Variants in INPP4B observed in about 807,000 individuals in gnomAD.
INPP4B encodes inositol polyphosphate-4-phosphatase type II B, also known as inositol polyphosphate 4-phosphatase type II.
A neutral mutation model predicts 122.5 loss-of-function variants in INPP4B; 55 were observed. The observed-to-expected ratio is 0.45, with a 90% confidence interval of 0.36 to 0.56. The LOEUF is 0.56. INPP4B is among the 20% of genes least tolerant of loss of function. The pLI is 0.00. For missense variants in INPP4B, 1,000 were observed against 1,097.7 expected (o/e 0.91, Z 1.26); for synonymous variants, 403 against 388.7 (o/e 1.04, Z -0.43).
chr4:142,658,960 T>C (rs762127517), intron 2 of INPP4B, among the ~76,000 whole-genome samples: 11 of 152,174 alleles, frequency 7.2e-5, no homozygotes, highest in Non-Finnish European at 1.0e-4. Context: ...TGAGACTCCT[T>C]GTGGAACAAA....
intron 2 of INPP4B, among the ~76,000 whole-genome samples, chr4:142,708,261 T>C (rs2150784260): frequency 6.6e-6 from 1 of 152,268 alleles, no homozygotes; most frequent in Non-Finnish European, 1.5e-5. Context: ...GCATAAAAGT[T>C]TAGAAAATTT....
intron 2 of INPP4B, among the ~76,000 whole-genome samples, chr4:142,675,180 C>T (rs1757566944): frequency 6.6e-6 from 1 of 152,064 alleles, no homozygotes. Flanking sequence ...ACCACTGATA[C>T]CACAGAAATA....
At position 142,035,137 on chromosome 4, in the gene INPP4B, C is replaced by T. The variant is rs187949492; in HGVS notation, c.2643-6223G>A. The stretch of plus-strand genomic sequence containing the variant: ...GATTTGTCTGAGGCTCACATCAGCA[C>T]GAGGAGGCAGGCCAGCATCCCCACT... On this transcript the variant is annotated intron_variant, in intron 25 of 25. Coordinates refer to ENST00000262992, the MANE Select transcript of INPP4B (RefSeq NM_001101669.3). Among the ~76,000 whole-genome samples the T allele has an allele frequency of 6.6e-5, 10 of 152,262 alleles. No homozygotes were observed. The East Asian group carries it at 1.5e-3, about 24-fold the overall frequency.
intron 2 of INPP4B, among the ~76,000 whole-genome samples, chr4:142,585,185 CTT>C (rs1735902967): frequency 6.6e-6 from 1 of 152,176 alleles, no homozygotes; most frequent in South Asian, 2.1e-4. Context: ...CATTCACTGT[CTT>C]AGCCCTAGAC....
At chr4:142,252,389 C>T (rs1458073809) in intron 11 of INPP4B, among the ~76,000 whole-genome samples, 2 of 151,734 alleles carry the variant, frequency 1.3e-5, no homozygotes, top group Non-Finnish European at 2.9e-5. Flanking sequence ...GGGGTTTCGC[C>T]GTGTTAGCCA....
Position 142,741,720 on chromosome 4 carries a change from T to C in INPP4B, c.-253-15819A>G, listed in dbSNP as rs971287914. Among the ~76,000 whole-genome samples the C allele has an allele frequency of 1.1e-4, 16 of 151,944 alleles. No individual in the cohort carries two copies. The South Asian group carries it at 3.3e-3, about 32-fold the overall frequency. On this transcript the variant is annotated intron_variant, in intron 1 of 25. Transcript: ENST00000262992. The stretch of plus-strand genomic sequence containing the variant: ...AAACTGAAAAATACATTTGAATCAT[T>C]ACATAAAACAAAGACAGAAAAAGTG...
chr4:142,632,884 A>G (rs919227295), intron 2 of INPP4B, among the ~76,000 whole-genome samples: 2 of 150,436 alleles, frequency 1.3e-5, no homozygotes, highest in African/African-American at 4.9e-5. Flanking sequence ...CAGTTAAGGA[A>G]AGACAGAAGG....
chr4:142,536,251 T>G (rs987296668), intron 2 of INPP4B, among the ~76,000 whole-genome samples: 1 of 152,226 alleles, frequency 6.6e-6, no homozygotes. Flanking sequence ...GTCTTATATT[T>G]AATATTTCTA....
At chr4:142,652,390 G>A (rs1408827957) in intron 2 of INPP4B, among the ~76,000 whole-genome samples, 1 of 152,122 alleles carries the variant, frequency 6.6e-6, no homozygotes, top group Non-Finnish European at 1.5e-5. Context: ...GCAAGAGAAA[G>A]AAATTTGGGT....
At chr4:142,551,303 G>A (rs1193299315) in intron 2 of INPP4B, among the ~76,000 whole-genome samples, 1 of 152,110 alleles carries the variant, frequency 6.6e-6, no homozygotes. Flanking sequence ...GCAGAGTCTG[G>A]GCTTACAAAG....
chr4:142,423,768 A>C (rs1204953048), intron 5 of INPP4B: 2 of 429,572 alleles, frequency 4.7e-6, no homozygotes, highest in Non-Finnish European at 9.1e-6. Context: ...TAGAAAAAAA[A>C]CAGACCTTCT....
At chr4:142,662,069 T>C (rs1710331425) in intron 2 of INPP4B, among the ~76,000 whole-genome samples, 1 of 151,994 alleles carries the variant, frequency 6.6e-6, no homozygotes, top group Non-Finnish European at 1.5e-5. Flanking sequence ...CTGTCTCTAC[T>C]AAAAGTACAA....
chr4:142,090,587 G>T (rs1339296960), intron 23 of INPP4B, among the ~76,000 whole-genome samples: 1 of 152,048 alleles, frequency 6.6e-6, no homozygotes, highest in Non-Finnish European at 1.5e-5. Context: ...CTTAGACTGT[G>T]TCTCCTCAAA....
At chr4:142,775,487 TC>T (rs1773722100) in intron 1 of INPP4B, among the ~76,000 whole-genome samples, 1 of 146,678 alleles carries the variant, frequency 6.8e-6, no homozygotes, top group African/African-American at 2.5e-5. Context: ...CATATTTTGT[TC>T]CCTTCCCTTC....
chr4:142,379,793 C>T (rs969436737), intron 7 of INPP4B, among the ~76,000 whole-genome samples: 2 of 152,350 alleles, frequency 1.3e-5, no homozygotes, highest in South Asian at 2.1e-4. Flanking sequence ...CCATGCAAGA[C>T]ATGTGTCCTC....
At chr4:142,488,741 A>T (rs903085494) in intron 2 of INPP4B, among the ~76,000 whole-genome samples, 8 of 151,948 alleles carry the variant, frequency 5.3e-5, no homozygotes, top group Non-Finnish European at 4.4e-5. Context: ...TCTCTGTCAA[A>T]CCCAGTATTG....
intron 2 of INPP4B, among the ~76,000 whole-genome samples, chr4:142,646,027 T>C (rs779719720): frequency 1.3e-5 from 2 of 152,056 alleles, no homozygotes; most frequent in Non-Finnish European, 2.9e-5. Flanking sequence ...ACCTGATCAG[T>C]AGTATCCTGT....
chr4:142,597,273 G>T (rs1364134854), intron 2 of INPP4B, among the ~76,000 whole-genome samples: 2 of 152,186 alleles, frequency 1.3e-5, no homozygotes, highest in African/African-American at 4.8e-5. Flanking sequence ...TTTAAGATCT[G>T]CAGATTTCAT....
intron 2 of INPP4B, among the ~76,000 whole-genome samples, chr4:142,544,123 T>TGC (rs1829260855): frequency 2.0e-4 from 1 of 4,914 alleles, no homozygotes; most frequent in Non-Finnish European, 3.2e-3. Flanking sequence ...CTGCATGGTG[T>TGC]GTGTGTGGTG....
Sources: allele counts gnomAD v4.1 joint callset (sites outside exome capture counted in the v4.1 genomes callset), GRCh38; gene constraint gnomAD v4.1.1; transcripts MANE v1.5; gene names NCBI Gene and HGNC (gene_info 2026-07-23, HGNC 2026-07-21).